The following KMT2D variants were observed in gnomAD, a reference collection of about 807,000 sequenced individuals.
The protein encoded by KMT2D is lysine methyltransferase 2D.
KMT2D carries 55 observed loss-of-function variants against 512.7 expected under a neutral mutation model. The ratio of observed to expected loss-of-function variants is 0.11; its 90% confidence interval spans 0.09 to 0.13. KMT2D has a LOEUF of 0.13. Among genes scored for constraint, KMT2D ranks in the 10% least tolerant of loss-of-function variants. The pLI is 1.00. For missense variants in KMT2D, 6,061 were observed against 7,127.9 expected (o/e 0.85, Z 5.39); for synonymous variants, 2,995 against 2,904.0 (o/e 1.03, Z -1.01).
At position 49,050,963 on chromosome 12, in the gene KMT2D, G is replaced by T. The variant is rs1937940966; in HGVS notation, c.2720C>A (p.Pro907His). Residue 907 changes from proline (P) to histidine (H), a missense_variant, in exon 11 of 55, where the codon CCT (proline) becomes CAT (histidine). Pro to His is a moderately conservative substitution (Grantham distance 77). Around this residue, in one of 16 missense-constraint regions of KMT2D, gnomAD observed 848 missense variants for 838.5 expected, o/e 1.01. Transcript: ENST00000301067. ...CAGCTCCTCGGGCAGAGGGGACAGA[G>T]GTGGTTCCCCAGGCTCAGACAGGGC... ...EPALSEPGEP[P>H]LSPLPEELPL... is the part of the protein sequence containing the mutation. 6.4e-7 allele frequency: 1 copy of T among 1,559,716 alleles called. No individual in the cohort carries two copies.
Position 49,031,541 on chromosome 12 carries a change from C to T in KMT2D, c.13164G>A (p.Lys4388=), listed in dbSNP as rs1942910611. The stretch of plus-strand genomic sequence containing the variant: ...CAGGTACCAGGCTGCTCTGCTCTGG[C>T]TTCTGGGTTTCTGCTAGGTTGTCTG... The part of the protein sequence containing the change: ...DPPDNLAETQ[K]PEQSSLVPGH... The change falls in exon 40 of 55, where the codon AAG becomes AAA. Residue 4388 remains lysine (K), a synonymous_variant. Transcript: ENST00000301067. The T allele has an allele frequency of 6.2e-7, 1 of 1,606,294 alleles. No homozygotes were observed. The highest frequency in any genetic ancestry group is 1.7e-4 in the Middle Eastern group (1 of 6,054).
In KMT2D at chr12:49,042,210, G is replaced by A. The variant is rs1386828743; in HGVS notation, c.5988C>T (p.Leu1996=). The A allele has an allele frequency of 9.3e-6, 15 of 1,604,628 alleles. No individual in the cohort carries two copies. The East Asian group carries it at 1.1e-4, about 12-fold the overall frequency. ...GCTGAAGACTCCGCTGGTTATAGGA[G>A]AGTCCGTCGCCCTCACCCTCCGTGG... is the stretch of plus-strand genomic sequence containing the variant. ...TPTTEGEGDG[L]SYNQRSLQRW... is the part of the protein sequence containing the mutation. Residue 1996 remains leucine (L), a synonymous_variant, in exon 29 of 55, where the codon CTC becomes CTT. Coordinates refer to ENST00000301067, the MANE Select transcript of KMT2D (RefSeq NM_003482.4). This position sits in a 1 kb window ranked among gnomAD's most constrained non-coding sequence, Gnocchi z 4.4.
chr12:49,052,881 G>A (rs1440671433), intron 9 of KMT2D, 34 bp downstream of exon 9: 1 of 1,610,702 alleles, frequency 6.2e-7, no homozygotes, highest in Non-Finnish European at 8.5e-7. Flanking sequence ...CTTCCAACCT[G>A]CCAGCCCAAT....
rs1028524252 is a variant in KMT2D, at chr12:49,040,662, G to T, written c.7108C>A (p.Arg2370Ser). The T allele has an allele frequency of 6.2e-7, 1 of 1,613,816 alleles. No homozygotes were observed. Among genetic ancestry groups the T allele is most frequent in the Non-Finnish European group, 8.5e-7 (1 of 1,179,812 alleles). ...TATGGGTCAGTGTAGGAGCCAGGGC[G>T]AAAGATGTCTGGGTGACTTGGAGGA... ...PSPPSHPDIF[R>S]PGSYTDPYAQ... is the part of the protein sequence containing the mutation. The change falls in exon 32 of 55, where the codon CGC becomes AGC. Residue 2370 changes from arginine (R) to serine (S), a missense_variant. By Grantham distance (110) the Arg-to-Ser change is moderately radical (BLOSUM62 -1). This residue lies in a region of KMT2D where 710 missense variants were observed against 647.3 expected (regional missense o/e 1.10). Transcript: ENST00000301067.
Position 49,049,840 on chromosome 12 carries a change from G to A in KMT2D, c.3748C>T (p.Pro1250Ser), listed in dbSNP as rs2120641429. 3 of 1,613,944 alleles carry A rather than the reference G, an allele frequency of 1.9e-6. No homozygotes were observed. The highest frequency in any genetic ancestry group is 8.5e-7 in the Non-Finnish European group (1 of 1,179,882). ...MELGVSTDVS[P>S]ARDEGSLRLC... is the part of the protein sequence containing the mutation. The stretch of plus-strand genomic sequence containing the variant: ...CGTAGGGAGCCCTCATCTCGGGCTG[G>A]ACTAACATCCGTAGAGACCCCCAAC... Residue 1250 changes from proline to serine, a missense_variant, in exon 12 of 55, where the codon CCA becomes TCA. Pro to Ser is a moderately conservative substitution (Grantham distance 74). Transcript: ENST00000301067.
In KMT2D at chr12:49,032,249, A is replaced by C. The variant is rs1565774832; in HGVS notation, c.12456T>G (p.Leu4152=). 4 of 1,613,874 alleles carry C rather than the reference A, an allele frequency of 2.5e-6. No homozygotes were observed. Among genetic ancestry groups the C allele is most frequent in the Non-Finnish European group, 3.4e-6 (4 of 1,179,818 alleles). Residue 4152 remains leucine, a synonymous_variant, in exon 40 of 55, where the codon CTT becomes CTG. Coordinates refer to ENST00000301067, the MANE Select transcript of KMT2D (RefSeq NM_003482.4). The part of the protein sequence containing the change: ...GDQPGSMTQN[L]LGPQQPMLER... ...CTAGCATGGGCTGTTGGGGGCCCAG[A>C]AGGTTCTGGGTCATGGACCCAGGCT...
rs760535684 is a variant in KMT2D at position 49,030,349 on chromosome 12, G to C, written c.13930C>G (p.Pro4644Ala). Reference protein sequence around the residue: ...VQQKMVNGVTPSEELGEHPKD... With the variant: ...VQQKMVNGVTASEELGEHPKD... Reference sequence around the variant, plus strand: ...GGGTGCTCCCCCAGCTCTTCAGATGGGGTGACGCCATTCACCATCTTCTGC... The same window carrying C: ...GGGTGCTCCCCCAGCTCTTCAGATGCGGTGACGCCATTCACCATCTTCTGC... Residue 4644 changes from proline (P) to alanine (A), a missense_variant, in exon 43 of 55, where the codon CCA becomes GCA. Pro to Ala is a conservative substitution (Grantham distance 27, BLOSUM62 -1). Transcript: ENST00000301067. 87 of 1,606,250 alleles carry C rather than the reference G, an allele frequency of 5.4e-5. 1 individual carries two copies. In the South Asian group the frequency reaches 9.6e-4, roughly 18 times the overall value.
Position 49,022,560 on chromosome 12 carries a change from C to A in KMT2D, c.16338+30G>T, listed in dbSNP as rs772930005. 2 of 1,603,474 alleles carry A rather than the reference C, an allele frequency of 1.2e-6. No individual in the cohort carries two copies. Among genetic ancestry groups the A allele is most frequent in the Non-Finnish European group, 1.7e-6 (2 of 1,173,660 alleles). ...GCTCCTTGGTTGAGTGCAGACTATG[C>A]ACCACAATGGCCCCTCTGCCAGCTC... is the stretch of plus-strand genomic sequence containing the variant. On this transcript the variant is annotated intron_variant, in intron 52 of 54. Coordinates refer to ENST00000301067, the MANE Select transcript of KMT2D (RefSeq NM_003482.4). The surrounding 1 kb of genome is among the most constrained non-coding windows in gnomAD (Gnocchi z 8.6).
Position 49,034,591 on chromosome 12 carries a change from C to A in KMT2D, c.10431G>T (p.Gly3477=). ...SSDLQNHVAA[G]SGQERSAGDP... The stretch of plus-strand genomic sequence containing the variant: ...CCACCTGACCACTTACCTGGCCACT[C>A]CCAGCTGCCACATGGTTCTGCAGAT... The change falls in exon 37 of 55, where the codon GGG becomes GGT. Residue 3477 remains glycine, a synonymous_variant. Transcript: ENST00000301067. 6.2e-7 allele frequency: 1 copy of A among 1,613,586 alleles called. No individual in the cohort carries two copies.
rs1942287805 is a variant in KMT2D, at chr12:49,020,819, C to A, written c.*961G>T. 2 of 203,952 alleles carry A rather than the reference C, an allele frequency of 9.8e-6. No individual in the cohort carries two copies. Among genetic ancestry groups the A allele is most frequent in the Middle Eastern group, 1.6e-3 (1 of 638 alleles). 12.6% of individuals were successfully genotyped at this position (203,952 alleles called of 1,614,324 possible). On this transcript the variant is annotated 3_prime_UTR_variant, in exon 55 of 55. Coordinates refer to ENST00000301067, the MANE Select transcript of KMT2D (RefSeq NM_003482.4). ...AAAACAGGAGGGAGATATCCTGGTC[C>A]TAGGTTTAGCTCCCTCCTGCCCCCA...
At chr12:49,028,762 A>C (rs918425794) in intron 46 of KMT2D, 66 bp downstream of exon 46, 151 of 1,591,068 alleles carry the variant, frequency 9.5e-5, no homozygotes, top group Non-Finnish European at 1.3e-4. Context: ...TTCCTTATCC[A>C]GACAAATTCC....
In KMT2D at chr12:49,027,109, C is replaced by T. The variant is rs1419547947; in HGVS notation, c.14857G>A (p.Ala4953Thr). 1 of 1,600,270 alleles carries T rather than the reference C, an allele frequency of 6.2e-7. No homozygotes were observed. Among genetic ancestry groups the T allele is most frequent in the Admixed American group, 1.7e-5 (1 of 59,400 alleles). Residue 4953 changes from alanine (A) to threonine (T), a missense_variant, in exon 49 of 55, where the codon GCC becomes ACC. This residue lies in a region of KMT2D where 1,600 missense variants were observed against 1,754.9 expected (regional missense o/e 0.91). Coordinates refer to ENST00000301067, the MANE Select transcript of KMT2D (RefSeq NM_003482.4). ...EPPVPSPLPL[A>T]SSPESARPKP... ...GGTCGGGCTGATTCAGGGGATGAGG[C>T]CAGTGGCAGAGGTGAGGGGACGGGT... is the stretch of plus-strand genomic sequence containing the variant.
chr12:49,029,029 T>G, intron 45 of KMT2D, 32 bp downstream of exon 45: 1 of 1,605,294 alleles, frequency 6.2e-7, no homozygotes, highest in Non-Finnish European at 8.5e-7. Context: ...CCAGGTGAAC[T>G]GGGCCTGGCC....
rs781174279 is a variant in KMT2D, at chr12:49,034,579, T to C, written c.10440+3A>G. The C allele has an allele frequency of 1.9e-6, 3 of 1,613,236 alleles. No individual in the cohort carries two copies. Among genetic ancestry groups the C allele is most frequent in the African/African-American group, 2.7e-5 (2 of 74,882 alleles). On this transcript the variant is annotated splice_donor_region_variant and intron_variant, in intron 37 of 54. Transcript: ENST00000301067. ...AAGTTCCTACTCCCACCTGACCACT[T>C]ACCTGGCCACTCCCAGCTGCCACAT...
rs2120639733 is a variant in KMT2D at position 49,049,754 on chromosome 12, A to G, written c.3834T>C (p.Ala1278=). 6.2e-7 allele frequency: 1 copy of G among 1,610,512 alleles called. No individual in the cohort carries two copies. Among genetic ancestry groups the G allele is most frequent in the African/African-American group, 1.3e-5 (1 of 74,986 alleles). The change falls in exon 12 of 55, where the codon GCT becomes GCC. Residue 1278 remains alanine (A), a synonymous_variant. Transcript: ENST00000301067. Reference sequence around the variant, plus strand: ...CCCCCTCAGCTTTGCCTCCGCTGATAGCTGTCCCAGCATCGCACAATAGTG... The same window carrying G: ...CCCCCTCAGCTTTGCCTCCGCTGATGGCTGTCCCAGCATCGCACAATAGTG... ...DDSLLCDAGT[A]ISGGKAEGEK... is the part of the protein sequence containing the mutation.
intron 12 of KMT2D, 60 bp downstream of exon 12, chr12:49,049,622 G>T: frequency 1.3e-6 from 2 of 1,496,068 alleles, no homozygotes; most frequent in Non-Finnish European, 1.8e-6. Context: ...AGTGACACAG[G>T]ACTGTACCTC....
chr12:49,023,301 C>G (rs1942417577), intron 51 of KMT2D, among the ~76,000 whole-genome samples: 1 of 152,210 alleles, frequency 6.6e-6, no homozygotes, highest in Non-Finnish European at 1.5e-5. Flanking sequence ...TGAATCCTAC[C>G]TCCTGCACAT....
In KMT2D at chr12:49,046,497, C is replaced by A. The variant is rs2120607792; in HGVS notation, c.4419-73G>T. On this transcript the variant is annotated intron_variant, in intron 16 of 54. Transcript: ENST00000301067. This position sits in a 1 kb window ranked among gnomAD's most constrained non-coding sequence, Gnocchi z 4.2. ...TACCCAGAAGTCCCCTCACCGGAAA[C>A]CCAAGCCACCAGCCTGGCCTCCTAA... The A allele has an allele frequency of 6.3e-7, 1 of 1,588,074 alleles. No individual in the cohort carries two copies.
intron 51 of KMT2D, among the ~76,000 whole-genome samples, chr12:49,023,631 A>G (rs1942433402): frequency 6.6e-6 from 1 of 152,252 alleles, no homozygotes; most frequent in Non-Finnish European, 1.5e-5. Context: ...TCCAATACAT[A>G]AACTAGATGA....
Sources: gnomAD v4.1 joint callset for allele counts (sites outside exome capture counted in the v4.1 genomes callset) on GRCh38, gnomAD v4.1.1 for gene constraint, gnomAD v4.1.1 regional missense constraint, Gnocchi (gnomAD v3.1) non-coding constraint, MANE v1.5 for transcripts, NCBI Gene and HGNC (gene_info 2026-07-23, HGNC 2026-07-21) for gene names.